FGF14: variants seen among roughly 807,000 people sequenced by gnomAD.
The protein encoded by FGF14 is fibroblast growth factor 14.
FGF14 carries 5 observed loss-of-function variants against 25.5 expected under a neutral mutation model. That is an observed-to-expected ratio of 0.20 (90% confidence interval 0.10 to 0.41). The LOEUF is 0.41. Among genes scored for constraint, FGF14 ranks in the 10% least tolerant of loss-of-function variants. The pLI, the probability that FGF14 is intolerant of heterozygous loss-of-function variation, is 1.00. For synonymous variants in FGF14, 138 were observed against 118.3 expected (o/e 1.17, Z -1.08); for missense variants, 222 against 320.1 (o/e 0.69, Z 2.34).
chr13:101,821,154 C>T (rs770332652), intron 3 of FGF14, among the ~76,000 whole-genome samples: 23 of 152,120 alleles, frequency 1.5e-4, no homozygotes, highest in Middle Eastern at 6.8e-3. Flanking sequence ...TTCACCGTGT[C>T]AGCCAGGATG....
intron 1 of FGF14, among the ~76,000 whole-genome samples, chr13:101,960,696 G>C (rs544827729): frequency 6.6e-6 from 1 of 152,098 alleles, no homozygotes; most frequent in Non-Finnish European, 1.5e-5. Context: ...ATAGTCCTTC[G>C]GGTGTATATC....
At chr13:101,873,935 CAAAG>C (rs1281139433) in intron 2 of FGF14, among the ~76,000 whole-genome samples, 1 of 151,066 alleles carries the variant, frequency 6.6e-6, no homozygotes, top group Non-Finnish European at 1.5e-5. Flanking sequence ...ATATGAGACA[CAAAG>C]AGAGTAAAGA....
intron 1 of FGF14, among the ~76,000 whole-genome samples, chr13:102,226,716 T>C (rs1208396480): frequency 6.6e-6 from 1 of 152,158 alleles, no homozygotes; most frequent in Non-Finnish European, 1.5e-5. Flanking sequence ...ATCTACTCTC[T>C]TACAATTACC....
In FGF14 at chr13:101,729,238, A is replaced by G. The variant is rs557904972; in HGVS notation, c.409-2428T>C. ...TTTCAGCCTTCTTATTTGTGGCTAA[A>G]TAATTAATGCACACACAAATGCACA... On this transcript the variant is annotated intron_variant, in intron 3 of 4. Coordinates refer to ENST00000376143, the MANE Select transcript of FGF14 (RefSeq NM_004115.4). Among the ~76,000 whole-genome samples the G allele has an allele frequency of 1.5e-3, 221 of 152,234 alleles. 1 individual carries two copies. Among genetic ancestry groups the G allele is most frequent in the African/African-American group, 5.0e-3 (208 of 41,564 alleles).
intron 1 of FGF14, among the ~76,000 whole-genome samples, chr13:101,938,441 CTTGAG>C (rs1242304066): frequency 2.0e-5 from 3 of 152,112 alleles, no homozygotes; most frequent in South Asian, 2.1e-4. Flanking sequence ...CAGCTTTTAT[CTTGAG>C]TTAATATTAG....
chr13:102,362,809 A>G (rs2057604750), intron 1 of FGF14, among the ~76,000 whole-genome samples: 1 of 64,194 alleles, frequency 1.6e-5, no homozygotes, highest in Non-Finnish European at 2.7e-5. Context: ...CAAGTATAGA[A>G]AAAAAAATCA....
At chr13:101,980,102 C>T (rs913924935) in intron 1 of FGF14, among the ~76,000 whole-genome samples, 1 of 152,168 alleles carries the variant, frequency 6.6e-6, no homozygotes, top group Non-Finnish European at 1.5e-5. Flanking sequence ...TAATTATCTA[C>T]AAGTAAGCCA....
chr13:102,010,475 T>C (rs546531846), intron 1 of FGF14, among the ~76,000 whole-genome samples: 1 of 152,298 alleles, frequency 6.6e-6, no homozygotes, highest in African/African-American at 2.4e-5. Flanking sequence ...TCCTGTTCTA[T>C]GATGTAACCA....
rs2034947183 is a variant in FGF14, at chr13:101,721,132, A to G, written c.*1699T>C. On this transcript the variant is annotated 3_prime_UTR_variant, in exon 5 of 5. Transcript: ENST00000376143. ...TGATCCCACATATAATTTTCAATAA[A>G]TGAGGTTCAGTTTGGTCTCAATGAA... 1 of 152,148 alleles carries G rather than the reference A, an allele frequency of 6.6e-6. No homozygotes were observed. Among genetic ancestry groups the G allele is most frequent in the African/African-American group, 2.4e-5 (1 of 41,450 alleles). 9.4% of individuals were successfully genotyped at this position (152,148 alleles called of 1,614,324 possible). A position where few individuals can be genotyped will look rare whatever the true frequency, so the allele number is the denominator to read the frequency against.
chr13:101,937,753 C>T (rs889154676), intron 1 of FGF14, among the ~76,000 whole-genome samples: 3 of 152,128 alleles, frequency 2.0e-5, no homozygotes, highest in Non-Finnish European at 2.9e-5. Flanking sequence ...GTGCTCACCA[C>T]CACGCCCAGC....
At position 101,721,660 on chromosome 13, in the gene FGF14, A is replaced by AATT. The variant is rs2034997175; in HGVS notation, c.*1168_*1170dup. The AATT allele has an allele frequency of 6.7e-6, 1 of 148,584 alleles. No individual in the cohort carries two copies. The highest frequency in any genetic ancestry group is 2.6e-5 in the African/African-American group (1 of 38,154). The allele number at this position is 148,584 out of a possible 1,614,324, so 9.2% of individuals were successfully genotyped here. On this transcript the variant is annotated 3_prime_UTR_variant, in exon 5 of 5. Coordinates refer to ENST00000376143, the MANE Select transcript of FGF14 (RefSeq NM_004115.4). ...TTAAACACCAAAAATATTAAAGTCT[A>AATT]ATTAATTTATAACTAACGTTTGCAT...
chr13:102,113,284 T>C (rs2045318564), intron 1 of FGF14, among the ~76,000 whole-genome samples: 1 of 152,228 alleles, frequency 6.6e-6, no homozygotes, highest in South Asian at 2.1e-4. Context: ...TCTGTATTCA[T>C]TAGGATCCTA....
chr13:101,786,123 G>C (rs1429917389), intron 3 of FGF14, among the ~76,000 whole-genome samples: 1 of 152,068 alleles, frequency 6.6e-6, no homozygotes, highest in African/African-American at 2.4e-5. Flanking sequence ...GCCCACTGCT[G>C]GTCTGATGTG....
chr13:102,074,452 T>C (rs943332136), intron 1 of FGF14, among the ~76,000 whole-genome samples: 1 of 152,174 alleles, frequency 6.6e-6, no homozygotes, highest in African/African-American at 2.4e-5. Flanking sequence ...AATACAACTA[T>C]TCATTAAACA....
intron 3 of FGF14, among the ~76,000 whole-genome samples, chr13:101,850,791 A>C (rs1459710764): frequency 3.3e-5 from 5 of 150,572 alleles, no homozygotes; most frequent in Non-Finnish European, 7.4e-5. Flanking sequence ...ATTTTTGCTC[A>C]ATCTGAAATG....
At chr13:101,985,089 T>C (rs1028681446) in intron 1 of FGF14, among the ~76,000 whole-genome samples, 2 of 151,280 alleles carry the variant, frequency 1.3e-5, no homozygotes, top group African/African-American at 4.8e-5. Context: ...TGTTTTTTTT[T>C]TTTTTGCCAC....
At chr13:102,345,208 T>C (rs957925276) in intron 1 of FGF14, among the ~76,000 whole-genome samples, 2 of 152,198 alleles carry the variant, frequency 1.3e-5, no homozygotes, top group African/African-American at 2.4e-5. Context: ...TTGGAGAACA[T>C]AACCACAATA....
chr13:102,254,567 T>C (rs2052349762), intron 1 of FGF14, among the ~76,000 whole-genome samples: 1 of 152,192 alleles, frequency 6.6e-6, no homozygotes. Context: ...TTTGAGGCTA[T>C]CTGTAAGGAA....
intron 1 of FGF14, among the ~76,000 whole-genome samples, chr13:102,101,267 A>G (rs2044650379): frequency 6.6e-6 from 1 of 152,210 alleles, no homozygotes; most frequent in Non-Finnish European, 1.5e-5. Context: ...CCTTTTATTC[A>G]GAAAAATTGT....
Sources: gnomAD v4.1 joint callset for allele counts (sites outside exome capture counted in the v4.1 genomes callset) on GRCh38, gnomAD v4.1.1 for gene constraint, MANE v1.5 for transcripts, NCBI Gene and HGNC (gene_info 2026-07-23, HGNC 2026-07-21) for gene names.